The following ZIC5 variants were observed in gnomAD, a reference collection of about 807,000 sequenced individuals.
ZIC5 encodes zinc finger protein ZIC 5.
ZIC5 carries 20 observed loss-of-function variants against 28.5 expected under a neutral mutation model. The ratio of observed to expected loss-of-function variants is 0.70; its 90% CI spans 0.49 to 1.02. The LOEUF (loss-of-function observed/expected upper bound fraction) is 1.02, where lower values mean the gene tolerates loss of function less well. ZIC5 is among the 50% of genes least tolerant of loss of function. ZIC5 has a pLI of 0.00. For missense variants in ZIC5, 951 were observed against 899.7 expected (o/e 1.06, Z -0.73); for synonymous variants, 488 against 410.4 (o/e 1.19, Z -2.29).
Position 99,970,854 on chromosome 13 carries a change from C to T in ZIC5, c.750G>A (p.Pro250=). ...GGCGCATCTGGCCGTTGAGCGGGTG[C>T]GGGTGGCCGCCTGGGGCCCCCGGCG... The part of the protein sequence containing the change: ...HDTPGAPGGH[P]HPLNGQMRLG... Residue 250 remains proline, a synonymous_variant, in exon 1 of 2, where the codon CCG becomes CCA. Coordinates refer to ENST00000267294, the MANE Select transcript of ZIC5 (RefSeq NM_033132.5). The T allele has an allele frequency of 3.2e-6, 4 of 1,255,448 alleles. No homozygotes were observed. Among genetic ancestry groups the T allele is most frequent in the Non-Finnish European group, 4.0e-6 (4 of 1,007,668 alleles). The allele number at this position is 1,255,448 out of a possible 1,614,324, so 77.8% of individuals were successfully genotyped here. A position where few individuals can be genotyped will look rare whatever the true frequency, so the allele number is the denominator to read the frequency against.
chr13:99,966,150 G>A (rs566962361), intron 1 of ZIC5, among the ~76,000 whole-genome samples: 1 of 152,162 alleles, frequency 6.6e-6, no homozygotes, highest in African/African-American at 2.4e-5. Context: ...TCCCCCGACA[G>A]ACACACTCCC....
chr13:99,970,419 C>G lies in ZIC5; in HGVS notation c.1185G>C (p.Pro395=), dbSNP rs529577435. 1.0e-5 allele frequency: 8 copies of G among 796,632 alleles called. No homozygotes were observed. Among genetic ancestry groups the G allele is most frequent in the Middle Eastern group, 6.3e-4 (1 of 1,590 alleles). The allele number at this position is 796,632 out of a possible 1,614,324, so 49.3% of individuals were successfully genotyped here. Residue 395 remains proline (P), a synonymous_variant, in exon 1 of 2, where the codon CCG becomes CCC. Transcript: ENST00000267294. ...CGCCGCCGGCCGGGGGCGGTGGCGG[C>G]GGCGGCGGCGGCGGCGGCGGCGGCG... ...LPPPPPPPPP[P]PPPPPAGGAK...
At chr13:99,966,478 G>A (rs1346085742) in intron 1 of ZIC5, among the ~76,000 whole-genome samples, 5 of 152,130 alleles carry the variant, frequency 3.3e-5, no homozygotes, top group African/African-American at 1.2e-4. Context: ...CCCACCACTC[G>A]ATTTTTACAG....
rs747982491 is a variant in ZIC5 at position 99,970,467 on chromosome 13, G to T, written c.1137C>A (p.Pro379=). 2 of 1,104,002 alleles carry T rather than the reference G, an allele frequency of 1.8e-6. No individual in the cohort carries two copies. Among genetic ancestry groups the T allele is most frequent in the Admixed American group, 4.1e-5 (1 of 24,588 alleles). The allele number at this position is 1,104,002 out of a possible 1,614,324, so 68.4% of individuals were successfully genotyped here. The change falls in exon 1 of 2, where the codon CCC becomes CCA. Residue 379 remains proline (P), a synonymous_variant. Transcript: ENST00000267294. ...KQELICKWID[P]DELAGLPPPP... is the part of the protein sequence containing the mutation. Reference sequence around the variant, plus strand: ...GCGGCGGCAGCCCGGCCAGCTCGTCGGGGTCGATCCACTTGCAGATGAGCT... The same window carrying T: ...GCGGCGGCAGCCCGGCCAGCTCGTCTGGGTCGATCCACTTGCAGATGAGCT...
chr13:99,965,754 T>C lies in ZIC5; in HGVS notation c.1543A>G (p.Lys515Glu), dbSNP rs1227140870. 1 of 1,614,158 alleles carries C rather than the reference T, an allele frequency of 6.2e-7. No individual in the cohort carries two copies. The change falls in exon 2 of 2, where the codon AAG becomes GAG. Residue 515 changes from lysine (K) to glutamate (E), a missense_variant. Physicochemically the swap from Lys to Glu is moderately conservative, Grantham distance 56. This residue lies in a region of ZIC5 where 59 missense variants were observed against 121.2 expected (regional missense o/e 0.49). Coordinates refer to ENST00000267294, the MANE Select transcript of ZIC5 (RefSeq NM_033132.5). ...CTGGTGTGGACATGGGAATGTTTCT[T>C]CCGATCACTGCTATTGGCAAACTTC... ...DRKFANSSDRKKHSHVHTSDK... is the reference protein window; with the variant it reads ...DRKFANSSDREKHSHVHTSDK...
In ZIC5 at chr13:99,965,569, G is replaced by T. The variant is rs1412550803; in HGVS notation, c.1728C>A (p.Ser576=). Residue 576 remains serine (S), a synonymous_variant, in exon 2 of 2, where the codon TCC becomes TCA. Transcript: ENST00000267294. ...SVGTPVGAPL[S]PVLDPARSHS... Reference sequence around the variant, plus strand: ...GACTCCTGGCTGGGTCCAGCACAGGGGACAAGGGGGCGCCCACTGGAGTCC... The same window carrying T: ...GACTCCTGGCTGGGTCCAGCACAGGTGACAAGGGGGCGCCCACTGGAGTCC... The T allele has an allele frequency of 9.3e-6, 15 of 1,613,848 alleles. No individual in the cohort carries two copies. Among genetic ancestry groups the T allele is most frequent in the Non-Finnish European group, 1.1e-5 (13 of 1,179,858 alleles).
At position 99,965,029 on chromosome 13, in the gene ZIC5, A is replaced by ATG; in HGVS notation, c.*347_*348insCA. On this transcript the variant is annotated 3_prime_UTR_variant, in exon 2 of 2. Transcript: ENST00000267294. ...ATAATATATATATATATGTATATAT[A>ATG]TATATATATATATATTGCATCGGCA... is the stretch of plus-strand genomic sequence containing the variant. 1 of 146,824 alleles carries ATG rather than the reference A, an allele frequency of 6.8e-6. No homozygotes were observed. The highest frequency in any genetic ancestry group is 2.1e-4 in the South Asian group (1 of 4,722). 9.1% of individuals were successfully genotyped at this position (146,824 alleles called of 1,614,324 possible). A position where few individuals can be genotyped will look rare whatever the true frequency, so the allele number is the denominator to read the frequency against.
In ZIC5 at chr13:99,965,170, G is replaced by GAA. The variant is rs34614095; in HGVS notation, c.*205_*206dup. 5,720 of 210,200 alleles carry GAA rather than the reference G, an allele frequency of 0.027. No individual in the cohort carries two copies. Among genetic ancestry groups the GAA allele is most frequent in the East Asian group, 0.058 (533 of 9,254 alleles). 13.0% of individuals were successfully genotyped at this position (210,200 alleles called of 1,614,324 possible). A position where few individuals can be genotyped will look rare whatever the true frequency, so the allele number is the denominator to read the frequency against. The stretch of plus-strand genomic sequence containing the variant: ...TGGTTGTTTTTTGTTTGTTTTTTAA[G>GAA]AAAAAAAAAAAAAAAAGCCCAAATA... On this transcript the variant is annotated 3_prime_UTR_variant, in exon 2 of 2. Transcript: ENST00000267294.
intron 1 of ZIC5, among the ~76,000 whole-genome samples, chr13:99,967,760 A>C (rs1190051825): frequency 6.6e-6 from 1 of 152,234 alleles, no homozygotes; most frequent in Non-Finnish European, 1.5e-5. Flanking sequence ...CATTAGAGTT[A>C]AATAAAGGAA....
intron 1 of ZIC5, among the ~76,000 whole-genome samples, chr13:99,969,714 C>G (rs1351816476): frequency 6.6e-6 from 1 of 151,836 alleles, no homozygotes; most frequent in Non-Finnish European, 1.5e-5. Flanking sequence ...GGCCCGGCCT[C>G]TCTTTCCATC....
chr13:99,971,416 G>A lies in ZIC5; in HGVS notation c.188C>T (p.Ala63Val), dbSNP rs1405550387. Residue 63 changes from alanine (A) to valine (V), a missense_variant, in exon 1 of 2, where the codon GCC (alanine) becomes GTC (valine). This residue lies in a region of ZIC5 where 784 missense variants were observed against 660.1 expected (regional missense o/e 1.19). Coordinates refer to ENST00000267294, the MANE Select transcript of ZIC5 (RefSeq NM_033132.5). ...GTGCTCGGGTCCGAGCGGAGTGGTG[G>A]CCACGCCGGGGTCAGCGCCCAGGTC... ...LRDLGADPGV[A>V]TTPLGPEHMA... The A allele has an allele frequency of 3.3e-6, 5 of 1,529,346 alleles. No homozygotes were observed. Among genetic ancestry groups the A allele is most frequent in the Non-Finnish European group, 1.8e-6 (2 of 1,141,570 alleles). The allele number at this position is 1,529,346 out of a possible 1,614,324, so 94.7% of individuals were successfully genotyped here.
At position 99,971,296 on chromosome 13, in the gene ZIC5, A is replaced by T. The variant is rs1451742154; in HGVS notation, c.308T>A (p.Leu103Ter). 1 of 1,356,680 alleles carries T rather than the reference A, an allele frequency of 7.4e-7. No individual in the cohort carries two copies. Among genetic ancestry groups the T allele is most frequent in the African/African-American group, 1.5e-5 (1 of 64,848 alleles). The allele number at this position is 1,356,680 out of a possible 1,614,324, so 84.0% of individuals were successfully genotyped here. A position where few individuals can be genotyped will look rare whatever the true frequency, so the allele number is the denominator to read the frequency against. Residue 103 changes from leucine (L) to a stop codon, truncating the protein, a stop_gained, in exon 1 of 2, where the codon TTG (leucine) becomes TAG (stop). Transcript: ENST00000267294. LOFTEE classifies it high-confidence loss of function. ...GCTGCCCGCGCCGGGGTGCGCGACC[A>T]AGGCTGCAGCACGGGCGGCGGCTGC... ...APAAAARAAA[L>*]VAHPGAGSYP...
At chr13:99,967,305 A>C (rs2053107547) in intron 1 of ZIC5, among the ~76,000 whole-genome samples, 1 of 152,280 alleles carries the variant, frequency 6.6e-6, no homozygotes, top group African/African-American at 2.4e-5. Context: ...CTGTTTAAAA[A>C]CAGAATTAGA....
At position 99,971,752 on chromosome 13, in the gene ZIC5, C is replaced by T. The variant is rs1044495612; in HGVS notation, c.-149G>A. The T allele has an allele frequency of 2.1e-5, 32 of 1,524,784 alleles. No homozygotes were observed. Among genetic ancestry groups the T allele is most frequent in the African/African-American group, 2.8e-5 (2 of 72,106 alleles). The allele number at this position is 1,524,784 out of a possible 1,614,324, so 94.5% of individuals were successfully genotyped here. ...TTATTCCTGTTCCCACTCTATCCTCCAGCGATTGGCAGAGTGAACACCACA... is the reference window on the plus strand; with the variant it reads ...TTATTCCTGTTCCCACTCTATCCTCTAGCGATTGGCAGAGTGAACACCACA... On this transcript the variant is annotated 5_prime_UTR_variant, in exon 1 of 2. Coordinates refer to ENST00000267294, the MANE Select transcript of ZIC5 (RefSeq NM_033132.5).
chr13:99,971,662 G>T lies in ZIC5; in HGVS notation c.-59C>A. 6.4e-7 allele frequency: 1 copy of T among 1,557,032 alleles called. No individual in the cohort carries two copies. The highest frequency in any genetic ancestry group is 8.7e-7 in the Non-Finnish European group (1 of 1,149,384). On this transcript the variant is annotated 5_prime_UTR_variant, in exon 1 of 2. Coordinates refer to ENST00000267294, the MANE Select transcript of ZIC5 (RefSeq NM_033132.5). Reference sequence around the variant, plus strand: ...TGGGGGGACTTTATTCCCTCTGCCCGCCTTCAAAAACATGTATGTATTGGG... The same window carrying T: ...TGGGGGGACTTTATTCCCTCTGCCCTCCTTCAAAAACATGTATGTATTGGG...
intron 1 of ZIC5, among the ~76,000 whole-genome samples, chr13:99,968,635 T>A (rs2053120371): frequency 6.6e-6 from 1 of 152,004 alleles, no homozygotes; most frequent in South Asian, 2.1e-4. Context: ...GCTTGGGAGT[T>A]CCCTTTCGGG....
chr13:99,971,131 T>C lies in ZIC5; in HGVS notation c.473A>G (p.Asn158Ser), dbSNP rs754493132. Residue 158 changes from asparagine to serine, a missense_variant, in exon 1 of 2, where the codon AAC becomes AGC. Transcript: ENST00000267294. ...GCCGCTGCTGCCGCCGCCGCCACTGTTGGTGGTGGTGTAGCCCGAGAGGGC... is the reference window on the plus strand; with the variant it reads ...GCCGCTGCTGCCGCCGCCGCCACTGCTGGTGGTGGTGTAGCCCGAGAGGGC... Reference protein sequence around the residue: ...PPALSGYTTTNSGGGGSSGKG... With the variant: ...PPALSGYTTTSSGGGGSSGKG... 9 of 1,310,472 alleles carry C rather than the reference T, an allele frequency of 6.9e-6. No homozygotes were observed. The East Asian group carries it at 3.3e-4, about 48-fold the overall frequency. The allele number at this position is 1,310,472 out of a possible 1,614,324, so 81.2% of individuals were successfully genotyped here. A position where few individuals can be genotyped will look rare whatever the true frequency, so the allele number is the denominator to read the frequency against.
chr13:99,968,589 C>T (rs2152154965), intron 1 of ZIC5, among the ~76,000 whole-genome samples: 1 of 152,186 alleles, frequency 6.6e-6, no homozygotes, highest in African/African-American at 2.4e-5. Flanking sequence ...GAGGCCTGGG[C>T]AGGCGGGAAG....
At chr13:99,966,928 AGAGTT>A (rs1193631229) in intron 1 of ZIC5, among the ~76,000 whole-genome samples, 1 of 152,268 alleles carries the variant, frequency 6.6e-6, no homozygotes, top group African/African-American at 2.4e-5. Context: ...TGAACTTGAT[AGAGTT>A]GAGTCCATAA....
Sources: gnomAD v4.1 joint callset for allele counts (sites outside exome capture counted in the v4.1 genomes callset) on GRCh38, gnomAD v4.1.1 for gene constraint, gnomAD v4.1.1 regional missense constraint, MANE v1.5 for transcripts, NCBI Gene and HGNC (gene_info 2026-07-23, HGNC 2026-07-21) for gene names.